Variants in MSR1 observed in about 807,000 individuals in gnomAD.
MSR1 encodes the protein macrophage scavenger receptor 1, also known as macrophage scavenger receptor types I and II.
A neutral mutation model predicts 47.2 loss-of-function variants in MSR1; 53 were observed. That is an observed-to-expected ratio of 1.12 (90% CI 0.90 to 1.41). MSR1 has a LOEUF of 1.41. Ranked by LOEUF, MSR1 falls within the 40% of genes most tolerant of loss-of-function variation. The pLI, the probability that MSR1 is intolerant of heterozygous loss-of-function variation, is 0.00. For synonymous variants in MSR1, 239 were observed against 185.6 expected (o/e 1.29, Z -2.34); for missense variants, 786 against 546.9 (o/e 1.44, Z -4.36).
At chr8:16,147,435 T>C (rs889699911) in intron 7 of MSR1, among the ~76,000 whole-genome samples, 1 of 152,132 alleles carries the variant, frequency 6.6e-6, no homozygotes, top group African/African-American at 2.4e-5. Flanking sequence ...TGGAGGATGT[T>C]CTTTTTGAAC....
chr8:16,125,037 GA>G lies in MSR1; in HGVS notation c.1034-4432del, dbSNP rs144781342. 2.0e-5 allele frequency among the ~76,000 whole-genome samples: 3 copies of G among 151,960 alleles called. No individual in the cohort carries two copies. The South Asian group carries it at 6.2e-4, about 32-fold the overall frequency. On this transcript the variant is annotated intron_variant, in intron 8 of 9. Transcript: ENST00000262101. ...TGGCATAAACATAAGTGTTTTTATG[GA>G]AAAAAACCCATATGGCTGGCTACTG... is the stretch of plus-strand genomic sequence containing the variant.
intron 6 of MSR1, among the ~76,000 whole-genome samples, chr8:16,151,540 C>T (rs1192683871): frequency 1.3e-5 from 2 of 152,002 alleles, no homozygotes; most frequent in African/African-American, 2.4e-5. Context: ...GATCAGATAC[C>T]CTGAGGCTTT....
Position 16,155,753 on chromosome 8 carries a change from C to A in MSR1, c.818-609G>T, listed in dbSNP as rs897479959. ...GAAGGGAAGGGGAAGGAAGACAATT[C>A]CTAGGGATTGAGAAAGGCATGAGGA... On this transcript the variant is annotated intron_variant, in intron 5 of 9. Transcript: ENST00000262101. Among the ~76,000 whole-genome samples the A allele has an allele frequency of 5.9e-5, 9 of 151,704 alleles. No individual in the cohort carries two copies. The South Asian group carries it at 1.7e-3, about 28-fold the overall frequency.
intron 1 of MSR1, among the ~76,000 whole-genome samples, chr8:16,182,015 G>T (rs1201870474): frequency 6.6e-6 from 1 of 152,098 alleles, no homozygotes; most frequent in Non-Finnish European, 1.5e-5. Context: ...ACATCATAGA[G>T]TGCATTTACA....
chr8:16,174,929 T>C, intron 3 of MSR1, among the ~76,000 whole-genome samples: 1 of 152,208 alleles, frequency 6.6e-6, no homozygotes, highest in Admixed American at 6.5e-5. Flanking sequence ...CTTTTCATTT[T>C]ACTATTACAA....
At chr8:16,129,156 C>A (rs2117080027) in intron 8 of MSR1, among the ~76,000 whole-genome samples, 1 of 152,154 alleles carries the variant, frequency 6.6e-6, no homozygotes, top group African/African-American at 2.4e-5. Flanking sequence ...TTTACTTGTT[C>A]TTTGAACTTT....
intron 1 of MSR1, among the ~76,000 whole-genome samples, chr8:16,184,534 C>T (rs960117420): frequency 9.9e-5 from 15 of 152,242 alleles, no homozygotes; most frequent in African/African-American, 3.6e-4. Context: ...AGGCATGTAG[C>T]CGGTAGCATC....
intron 9 of MSR1, among the ~76,000 whole-genome samples, chr8:16,115,192 G>A (rs1304579601): frequency 6.6e-6 from 1 of 151,956 alleles, no homozygotes; most frequent in African/African-American, 2.4e-5. Flanking sequence ...AAAAAAAATT[G>A]TTTTCTTTTT....
intron 8 of MSR1, chr8:16,120,879 T>TCGTG: frequency 1.1e-5 from 5 of 452,368 alleles, no homozygotes; most frequent in Non-Finnish European, 2.0e-5. Context: ...ACAGATTATA[T>TCGTG]TCCAACGAGT....
Position 16,120,535 on chromosome 8 carries a change from C to G in MSR1, c.1105G>C (p.Gly369Arg), listed in dbSNP as rs776370129. ...TCGTCACAAATTGTACCCCACTGGC[C>G]GCTGTGGAGTATCTCCACCCTCCCC... ...HEGRVEILHS[G>R]QWGTICDDRW... Residue 369 changes from glycine to arginine, a missense_variant, in exon 9 of 10, where the codon GGC becomes CGC. Coordinates refer to ENST00000262101, the MANE Select transcript of MSR1 (RefSeq NM_138715.3). The G allele has an allele frequency of 6.2e-7, 1 of 1,611,648 alleles. No individual in the cohort carries two copies. The highest frequency in any genetic ancestry group is 1.3e-5 in the African/African-American group (1 of 74,166).
At chr8:16,170,208 C>T (rs943320159) in intron 3 of MSR1, among the ~76,000 whole-genome samples, 8 of 151,898 alleles carry the variant, frequency 5.3e-5, no homozygotes, top group Admixed American at 3.3e-4. Context: ...ATTAGCCAGG[C>T]GTGGTGGCGG....
At chr8:16,173,031 T>C (rs934044856) in intron 3 of MSR1, among the ~76,000 whole-genome samples, 7 of 152,220 alleles carry the variant, frequency 4.6e-5, no homozygotes, top group Admixed American at 1.3e-4. Context: ...GAATTGTTTA[T>C]TGTTAATACA....
intron 6 of MSR1, among the ~76,000 whole-genome samples, chr8:16,152,168 A>G (rs986480236): frequency 2.0e-5 from 3 of 152,112 alleles, no homozygotes; most frequent in African/African-American, 2.4e-5. Flanking sequence ...GTTTTATTAA[A>G]TGATACGTAC....
intron 6 of MSR1, among the ~76,000 whole-genome samples, chr8:16,152,786 C>T (rs1367508584): frequency 6.6e-6 from 1 of 151,998 alleles, no homozygotes; most frequent in Admixed American, 6.6e-5. Flanking sequence ...TGACATTTGC[C>T]TCCCTTATAT....
At chr8:16,189,682 T>C (rs373472431) in intron 1 of MSR1, among the ~76,000 whole-genome samples, 2 of 1,212 alleles carry the variant, frequency 1.7e-3, no homozygotes, top group Admixed American at 0.012. Flanking sequence ...TAAAATCTTA[T>C]TTTATATATA....
At chr8:16,176,359 T>C (rs1801646672) in intron 2 of MSR1, among the ~76,000 whole-genome samples, 1 of 151,790 alleles carries the variant, frequency 6.6e-6, no homozygotes. Context: ...CTACAAAAAT[T>C]AGCCAGTCAT....
intron 9 of MSR1, among the ~76,000 whole-genome samples, chr8:16,115,829 TA>T (rs920743965): frequency 2.0e-5 from 3 of 151,122 alleles, no homozygotes; most frequent in East Asian, 3.9e-4. Flanking sequence ...AATTAAGATT[TA>T]AAAAAAAATT....
intron 1 of MSR1, chr8:16,186,242 C>T (rs1449292804): frequency 4.6e-6 from 7 of 1,516,434 alleles, no homozygotes; most frequent in Non-Finnish European, 6.2e-6. Context: ...GGGTATTCCT[C>T]CTCATCTCCC....
intron 9 of MSR1, among the ~76,000 whole-genome samples, chr8:16,112,834 T>TTC (rs994455990): frequency 5.3e-5 from 8 of 151,542 alleles, no homozygotes; most frequent in African/African-American, 1.7e-4. Context: ...CTTCCTCTCT[T>TTC]TCTCTCTCTC....
Sources: allele counts gnomAD v4.1 joint callset (sites outside exome capture counted in the v4.1 genomes callset), GRCh38; gene constraint gnomAD v4.1.1; transcripts MANE v1.5; gene names NCBI Gene and HGNC (gene_info 2026-07-23, HGNC 2026-07-21).